AUTS2: variants seen among roughly 807,000 people sequenced by gnomAD.
AUTS2 encodes the protein autism susceptibility gene 2 protein.
In AUTS2, 17 loss-of-function variants were observed where a neutral mutation model predicts 112.4. The observed-to-expected ratio is 0.15, with a 90% CI of 0.10 to 0.23. AUTS2 has a LOEUF of 0.23. AUTS2 is among the 10% of genes least tolerant of loss of function. The pLI, the probability that AUTS2 is intolerant of heterozygous loss-of-function variation, is 1.00. For missense variants in AUTS2, 1,510 were observed against 1,701.6 expected, an observed-to-expected ratio of 0.89 and a Z score of 1.98; for synonymous variants, 751 against 702.7, an observed-to-expected ratio of 1.07 and a Z score of -1.09.
intron 1 of AUTS2, among the ~76,000 whole-genome samples, chr7:69,623,776 T>C (rs895550380): frequency 4.6e-5 from 7 of 152,108 alleles, no homozygotes; most frequent in African/African-American, 1.7e-4. Flanking sequence ...AAAAGTGTAG[T>C]GTACAGCTCA....
intron 5 of AUTS2, among the ~76,000 whole-genome samples, chr7:70,539,329 G>A (rs1009531607): frequency 1.3e-5 from 2 of 152,188 alleles, no homozygotes; most frequent in Non-Finnish European, 2.9e-5. Context: ...TCTCCAGCCA[G>A]TTTGGTCTTG....
chr7:70,712,412 G>A (rs1348285733), intron 6 of AUTS2, among the ~76,000 whole-genome samples: 1 of 151,856 alleles, frequency 6.6e-6, no homozygotes, highest in Non-Finnish European at 1.5e-5. Context: ...TATAGAGGAT[G>A]GAAAAGGCAA....
chr7:69,861,572 T>TA (rs1381076930), intron 1 of AUTS2, among the ~76,000 whole-genome samples: 1 of 152,180 alleles, frequency 6.6e-6, no homozygotes, highest in African/African-American at 2.4e-5. Flanking sequence ...AGGTTGAGGT[T>TA]AAACAATTGA....
intron 1 of AUTS2, among the ~76,000 whole-genome samples, chr7:69,792,133 A>G (rs192739475): frequency 4.6e-5 from 7 of 152,272 alleles, no homozygotes; most frequent in Admixed American, 1.3e-4. Context: ...TCTAGGAACT[A>G]TCAAGTATGA....
chr7:70,205,791 G>T (rs1015308861), intron 4 of AUTS2, among the ~76,000 whole-genome samples: 7 of 152,174 alleles, frequency 4.6e-5, no homozygotes, highest in Non-Finnish European at 7.3e-5. Context: ...AAGTAGTGAG[G>T]TTTTAAACTA....
intron 1 of AUTS2, among the ~76,000 whole-genome samples, chr7:69,700,791 C>A (rs1797770894): frequency 6.6e-6 from 1 of 152,166 alleles, no homozygotes; most frequent in Admixed American, 6.5e-5. Flanking sequence ...GTTTCGAGCA[C>A]ATTAAATATT....
At chr7:70,589,539 C>A (rs577051413) in intron 5 of AUTS2, among the ~76,000 whole-genome samples, 5 of 152,248 alleles carry the variant, frequency 3.3e-5, no homozygotes, top group Non-Finnish European at 7.4e-5. Context: ...CATGGCGAAA[C>A]CCCATCTCTA....
At chr7:70,759,898 A>T (rs1789450225) in intron 6 of AUTS2, among the ~76,000 whole-genome samples, 1 of 152,192 alleles carries the variant, frequency 6.6e-6, no homozygotes, top group Non-Finnish European at 1.5e-5. Flanking sequence ...TGTCCTTTGG[A>T]AAAGGAAGCT....
At chr7:70,476,861 C>A (rs1408802266) in intron 5 of AUTS2, among the ~76,000 whole-genome samples, 1 of 152,192 alleles carries the variant, frequency 6.6e-6, no homozygotes, top group Non-Finnish European at 1.5e-5. Context: ...TTGTGGTGAG[C>A]ATACTGTTAT....
chr7:70,258,413 AG>A (rs1786994395), intron 4 of AUTS2, among the ~76,000 whole-genome samples: 1 of 152,224 alleles, frequency 6.6e-6, no homozygotes, highest in Admixed American at 6.5e-5. Context: ...GTGTTGGTTC[AG>A]CTGTTGCTCG....
intron 2 of AUTS2, among the ~76,000 whole-genome samples, chr7:69,914,688 A>G (rs180910000): frequency 2.6e-5 from 4 of 151,650 alleles, no homozygotes; most frequent in Admixed American, 2.6e-4. Flanking sequence ...GAGACTAGAC[A>G]AGCAGAAAGA....
intron 1 of AUTS2, among the ~76,000 whole-genome samples, chr7:69,730,019 T>TTTTA (rs10684332): frequency 6.8e-5 from 9 of 132,100 alleles, no homozygotes; most frequent in East Asian, 2.2e-4. Context: ...TTTTTTTTTT[T>TTTTA]AGAAACTAGG....
intron 4 of AUTS2, among the ~76,000 whole-genome samples, chr7:70,280,656 T>C (rs1788172265): frequency 1.3e-5 from 2 of 152,020 alleles, no homozygotes; most frequent in African/African-American, 4.8e-5. Flanking sequence ...GAAGAAACTA[T>C]AAACACTTGG....
chr7:70,435,758 A>T lies in AUTS2; in HGVS notation c.667A>T (p.Ser223Cys). Residue 223 changes from serine (S) to cysteine (C), a missense_variant, in exon 5 of 19, where the codon AGT becomes TGT. By Grantham distance (112) the Ser-to-Cys change is moderately radical. This residue lies in a region of AUTS2 where 535 missense variants were observed against 594.3 expected (regional missense o/e 0.90). Transcript: ENST00000342771. ...SSLGTGYFCD[S>C]DSDQEEKASD... ...CTCTTGTCTTCATTTTCAGTGTGAC[A>T]GTGACAGTGACCAGGAAGAGAAGGT... 2 of 1,614,068 alleles carry T rather than the reference A, an allele frequency of 1.2e-6. No individual in the cohort carries two copies. The highest frequency in any genetic ancestry group is 2.2e-5 in the South Asian group (2 of 91,082).
chr7:70,785,468 T>A (rs1184662753), intron 16 of AUTS2: 2 of 470,374 alleles, frequency 4.3e-6, no homozygotes, highest in Non-Finnish European at 8.5e-6. Flanking sequence ...CTCTTCCTAA[T>A]AAAGGTGCAT....
chr7:70,640,641 A>C (rs560611296), intron 5 of AUTS2, among the ~76,000 whole-genome samples: 1 of 151,906 alleles, frequency 6.6e-6, no homozygotes, highest in Non-Finnish European at 1.5e-5. Flanking sequence ...CATTGATACC[A>C]GTGGTGCTTG....
intron 4 of AUTS2, among the ~76,000 whole-genome samples, chr7:70,371,549 A>G (rs577885034): frequency 1.3e-5 from 2 of 152,314 alleles, no homozygotes; most frequent in South Asian, 4.1e-4. Flanking sequence ...TTTCTCCCCA[A>G]TTAAACCCCG....
chr7:69,978,559 T>A (rs1798151166), intron 2 of AUTS2, among the ~76,000 whole-genome samples: 1 of 152,094 alleles, frequency 6.6e-6, no homozygotes, highest in South Asian at 2.1e-4. Context: ...ATATTATTGG[T>A]TGGATGCAGT....
chr7:69,648,078 G>A (rs1357694884), intron 1 of AUTS2, among the ~76,000 whole-genome samples: 1 of 152,014 alleles, frequency 6.6e-6, no homozygotes, highest in African/African-American at 2.4e-5. Context: ...TGAGGGTTAG[G>A]GCTTTAACGT....
Sources: allele counts gnomAD v4.1 joint callset (sites outside exome capture counted in the v4.1 genomes callset), GRCh38; gene constraint gnomAD v4.1.1; regional missense constraint gnomAD v4.1.1; transcripts MANE v1.5; gene names NCBI Gene and HGNC (gene_info 2026-07-23, HGNC 2026-07-21).